The following MAGI1 variants were observed in gnomAD, a reference collection of about 807,000 sequenced individuals.
MAGI1 encodes membrane associated guanylate kinase, WW and PDZ domain containing 1, also known as membrane-associated guanylate kinase, WW and PDZ domain-containing protein 1.
MAGI1 carries 58 observed loss-of-function variants against 139.9 expected under a neutral mutation model. The ratio of observed to expected loss-of-function variants is 0.41; its 90% CI spans 0.34 to 0.52. The LOEUF is 0.52. Among genes scored for constraint, MAGI1 ranks in the 20% least tolerant of loss-of-function variants. The pLI, the probability that MAGI1 is intolerant of heterozygous loss-of-function variation, is 0.12. For missense variants in MAGI1, 1,874 were observed against 1,901.6 expected, an observed-to-expected ratio of 0.99 and a Z score of 0.27; for synonymous variants, 812 against 737.9, an observed-to-expected ratio of 1.10 and a Z score of -1.63.
chr3:65,783,387 G>A (rs59889633), intron 1 of MAGI1, among the ~76,000 whole-genome samples: 6,294 of 152,134 alleles, frequency 0.041, 228 homozygotes, highest in African/African-American at 0.098. Context: ...AGGGGCTCAC[G>A]CCTGTAATCC....
intron 6 of MAGI1, among the ~76,000 whole-genome samples, chr3:65,449,111 T>A (rs187588975): frequency 1.7e-5 from 2 of 116,880 alleles, no homozygotes; most frequent in Admixed American, 2.4e-4. Flanking sequence ...CCTTGTAAAC[T>A]CTTGATTTGT....
At chr3:66,033,345 T>C (rs982380688) in intron 1 of MAGI1, among the ~76,000 whole-genome samples, 5 of 152,156 alleles carry the variant, frequency 3.3e-5, no homozygotes, top group African/African-American at 9.7e-5. Context: ...GTCAGTGGTG[T>C]GTGGGGGCCA....
At chr3:65,889,757 C>A (rs993715312) in intron 1 of MAGI1, among the ~76,000 whole-genome samples, 1 of 152,104 alleles carries the variant, frequency 6.6e-6, no homozygotes, top group African/African-American at 2.4e-5. Context: ...AGAAAATTTA[C>A]ACTCATAGTA....
At chr3:65,763,482 TAAC>T (rs574424331) in intron 1 of MAGI1, among the ~76,000 whole-genome samples, 118 of 152,266 alleles carry the variant, frequency 7.7e-4, no homozygotes, top group Non-Finnish European at 1.4e-3. Context: ...TATCCTACAA[TAAC>T]AACATTTACA....
intron 1 of MAGI1, among the ~76,000 whole-genome samples, chr3:65,936,982 T>C (rs1464850091): frequency 6.6e-6 from 1 of 151,794 alleles, no homozygotes; most frequent in African/African-American, 2.4e-5. Context: ...ATGGTGGTGG[T>C]GGTGGTGATG....
intron 1 of MAGI1, among the ~76,000 whole-genome samples, chr3:65,785,912 C>G (rs551135361): frequency 6.6e-6 from 1 of 152,116 alleles, no homozygotes; most frequent in South Asian, 2.1e-4. Flanking sequence ...CCCGACCTCC[C>G]CCTTATTCCT....
intron 2 of MAGI1, among the ~76,000 whole-genome samples, chr3:65,574,046 G>GA (rs1426256696): frequency 6.6e-6 from 1 of 151,776 alleles, no homozygotes; most frequent in African/African-American, 2.4e-5. Flanking sequence ...TAGAAAATCT[G>GA]ATAAAATCTA....
intron 4 of MAGI1, among the ~76,000 whole-genome samples, chr3:65,476,689 A>C (rs1950911045): frequency 6.6e-6 from 1 of 152,150 alleles, no homozygotes; most frequent in Admixed American, 6.5e-5. Context: ...ACTACCCCCA[A>C]AGTCTTCTGT....
intron 2 of MAGI1, among the ~76,000 whole-genome samples, chr3:65,600,386 C>G (rs1053387540): frequency 2.0e-5 from 3 of 152,148 alleles, no homozygotes; most frequent in Non-Finnish European, 4.4e-5. Context: ...TATTTTCAAT[C>G]AGAGCTCCAA....
At chr3:65,776,837 T>C (rs537775742) in intron 1 of MAGI1, among the ~76,000 whole-genome samples, 33 of 152,342 alleles carry the variant, frequency 2.2e-4, no homozygotes, top group African/African-American at 7.7e-4. Flanking sequence ...CCATCAGACT[T>C]TTCTGCATCT....
At chr3:65,405,725 G>T (rs1205267331) in intron 12 of MAGI1, among the ~76,000 whole-genome samples, 1 of 152,126 alleles carries the variant, frequency 6.6e-6, no homozygotes, top group Non-Finnish European at 1.5e-5. Context: ...CTCCTGAGTA[G>T]CTGGGATTAC....
chr3:65,644,136 A>G (rs534879896), intron 1 of MAGI1, among the ~76,000 whole-genome samples: 2 of 152,182 alleles, frequency 1.3e-5, no homozygotes, highest in Non-Finnish European at 2.9e-5. Context: ...ACAAGGTCTC[A>G]TATCTCCTTC....
intron 1 of MAGI1, among the ~76,000 whole-genome samples, chr3:65,806,618 G>A (rs1246564874): frequency 6.6e-6 from 1 of 152,176 alleles, no homozygotes; most frequent in Admixed American, 6.5e-5. Flanking sequence ...TGGCTGTCCA[G>A]TTCCCCAATC....
chr3:65,959,827 A>T, intron 1 of MAGI1, among the ~76,000 whole-genome samples: 1 of 47,572 alleles, frequency 2.1e-5, no homozygotes, highest in South Asian at 5.4e-4. Context: ...TTTTTTTGAG[A>T]CAGAGTCTCA....
chr3:65,778,115 A>G (rs1183305768), intron 1 of MAGI1, among the ~76,000 whole-genome samples: 1 of 152,186 alleles, frequency 6.6e-6, no homozygotes, highest in Non-Finnish European at 1.5e-5. Context: ...CACTAACTTA[A>G]TGAAGAAAAT....
chr3:65,470,295 A>C lies in MAGI1; in HGVS notation c.947T>G (p.Val316Gly). The change falls in exon 5 of 23, where the codon GTC (valine) becomes GGC (glycine). Residue 316 changes from valine (V) to glycine (G), a missense_variant. Transcript: ENST00000402939. ...WEMAYTENGE[V>G]YFIDHNTKTT... ...TGGTATACTTTACTCTATAAAATAGACTTCTCCATTTTCAGTATAGGCCAT... is the reference window on the plus strand; with the variant it reads ...TGGTATACTTTACTCTATAAAATAGCCTTCTCCATTTTCAGTATAGGCCAT... 1 of 1,605,068 alleles carries C rather than the reference A, an allele frequency of 6.2e-7. No homozygotes were observed. Among genetic ancestry groups the C allele is most frequent in the Non-Finnish European group, 8.5e-7 (1 of 1,171,938 alleles).
At chr3:65,383,688 T>G (rs538437823) in intron 14 of MAGI1, 65 bp from the exon 15 acceptor site, 2 of 953,032 alleles carry the variant, frequency 2.1e-6, no homozygotes, top group South Asian at 1.3e-5. Flanking sequence ...ACCCCCAAGA[T>G]GAACACAGTT....
At chr3:65,535,581 ACT>A (rs2078925659) in intron 2 of MAGI1, among the ~76,000 whole-genome samples, 1 of 152,180 alleles carries the variant, frequency 6.6e-6, no homozygotes, top group African/African-American at 2.4e-5. Flanking sequence ...TGAACACCGT[ACT>A]CTTTCAAATC....
intron 1 of MAGI1, among the ~76,000 whole-genome samples, chr3:65,921,093 T>C (rs1022215863): frequency 6.6e-6 from 1 of 151,952 alleles, no homozygotes; most frequent in Non-Finnish European, 1.5e-5. Flanking sequence ...ACTGCCAAAC[T>C]GAGTTCAGTT....
Sources: allele counts gnomAD v4.1 joint callset (sites outside exome capture counted in the v4.1 genomes callset), GRCh38; gene constraint gnomAD v4.1.1; transcripts MANE v1.5; gene names NCBI Gene and HGNC (gene_info 2026-07-23, HGNC 2026-07-21).